WDR25: variants seen among roughly 807,000 people sequenced by gnomAD.
WDR25 encodes WD repeat-containing protein 25.
WDR25 carries 35 observed loss-of-function variants against 47.7 expected under a neutral mutation model. The ratio of observed to expected loss-of-function variants is 0.73; its 90% CI spans 0.56 to 0.97. The LOEUF is 0.97. Ranked by LOEUF, WDR25 falls within the 50% of genes least tolerant of loss-of-function variation. WDR25 has a pLI of 0.00. For missense variants in WDR25, 634 were observed against 704.7 expected (o/e 0.90, Z 1.14); for synonymous variants, 248 against 278.9 (o/e 0.89, Z 1.10).
chr14:100,524,821 G>T (rs1462216516), intron 4 of WDR25, among the ~76,000 whole-genome samples: 1 of 152,122 alleles, frequency 6.6e-6, no homozygotes, highest in African/African-American at 2.4e-5. Context: ...CCAGAGAATG[G>T]GCCTCAACCT....
intron 4 of WDR25, among the ~76,000 whole-genome samples, chr14:100,519,806 G>A (rs1291964553): frequency 1.5e-5 from 2 of 134,714 alleles, no homozygotes; most frequent in Non-Finnish European, 3.1e-5. Flanking sequence ...ATGTATATAT[G>A]TATATATGTA....
intron 2 of WDR25, chr14:100,406,676 G>C (rs1443987830): frequency 1.3e-5 from 2 of 152,250 alleles, no homozygotes; most frequent in African/African-American, 4.8e-5. Flanking sequence ...TCAGAACTTC[G>C]GCCTGTCACA....
intron 2 of WDR25, among the ~76,000 whole-genome samples, chr14:100,395,405 A>G (rs375060015): frequency 1.0e-3 from 158 of 152,326 alleles, no homozygotes; most frequent in African/African-American, 3.6e-3. Flanking sequence ...GGCGTATGGC[A>G]GGCACTCCAT....
At chr14:100,376,702 C>T in intron 1 of WDR25, 2 of 1,231,026 alleles carry the variant, frequency 1.6e-6, no homozygotes, top group Non-Finnish European at 2.0e-6. Flanking sequence ...AAACCCATCT[C>T]TGGTCGTATC....
chr14:100,523,665 C>T lies in WDR25; in HGVS notation c.1102-2205C>T, dbSNP rs1047107581. Among the ~76,000 whole-genome samples the T allele has an allele frequency of 2.6e-5, 4 of 152,156 alleles. No individual in the cohort carries two copies. Among genetic ancestry groups the T allele is most frequent in the Admixed American group, 1.3e-4 (2 of 15,284 alleles). Reference sequence around the variant, plus strand: ...AAGGCTGCTCTGGACGAGTCAGCAGCGGCCCAGCATCCCCCAGGTTTGCTG... The same window carrying T: ...AAGGCTGCTCTGGACGAGTCAGCAGTGGCCCAGCATCCCCCAGGTTTGCTG... On this transcript the variant is annotated intron_variant, in intron 4 of 6. Transcript: ENST00000402312. This position sits in a 1 kb window ranked among gnomAD's most constrained non-coding sequence, Gnocchi z 4.7.
At chr14:100,400,547 C>T (rs1242231084) in intron 2 of WDR25, among the ~76,000 whole-genome samples, 1 of 152,212 alleles carries the variant, frequency 6.6e-6, no homozygotes, top group Non-Finnish European at 1.5e-5. Flanking sequence ...TAATAAAAAC[C>T]TTAAGCCCTT....
intron 2 of WDR25, among the ~76,000 whole-genome samples, chr14:100,438,313 G>A (rs890137176): frequency 6.6e-6 from 1 of 152,172 alleles, no homozygotes; most frequent in African/African-American, 2.4e-5. Flanking sequence ...TCAGCCCAAT[G>A]AAGATATGAC....
At position 100,381,394 on chromosome 14, in the gene WDR25, T is replaced by C; in HGVS notation, c.470T>C (p.Val157Ala). The change falls in exon 2 of 7, where the codon GTA (valine) becomes GCA (alanine). Residue 157 changes from valine to alanine, a missense_variant. Transcript: ENST00000402312. ...CATGCTCAAAGTGAGTCTGAAACCG[T>C]AGGTAAAAATGGCAGCTCTTTTCAG... ...SFHAQSESET[V>A]GKNGSSFQKK... The C allele has an allele frequency of 6.2e-7, 1 of 1,614,186 alleles. No homozygotes were observed. The highest frequency in any genetic ancestry group is 8.5e-7 in the Non-Finnish European group (1 of 1,180,020).
In WDR25 at chr14:100,429,412, A is replaced by G. The variant is rs73347384; in HGVS notation, c.823-38609A>G. Among the ~76,000 whole-genome samples, 747 of 152,308 alleles carry G rather than the reference A, an allele frequency of 4.9e-3. 10 individuals are homozygous for G. The highest frequency in any genetic ancestry group is 0.017 in the African/African-American group (702 of 41,560). ...AGTTGCCTCCTTGGGCCAAGGGGCT[A>G]AGGTGGCTCAGGATATGTCTGTTCA... On this transcript the variant is annotated intron_variant, in intron 2 of 6. Coordinates refer to ENST00000402312, the MANE Select transcript of WDR25 (RefSeq NM_001161476.3).
intron 2 of WDR25, among the ~76,000 whole-genome samples, chr14:100,444,107 G>A (rs1055042869): frequency 6.6e-6 from 1 of 152,202 alleles, no homozygotes; most frequent in Admixed American, 6.5e-5. Context: ...TCAGGATTCT[G>A]CAAGGGGTGG....
intron 2 of WDR25, among the ~76,000 whole-genome samples, chr14:100,390,504 T>C (rs1897120853): frequency 1.3e-5 from 2 of 152,088 alleles, no homozygotes; most frequent in Non-Finnish European, 2.9e-5. Context: ...GGCAGCAGGC[T>C]GGCGCTCATC....
At chr14:100,414,994 A>C (rs189485801) in intron 2 of WDR25, among the ~76,000 whole-genome samples, 5 of 151,704 alleles carry the variant, frequency 3.3e-5, no homozygotes, top group Admixed American at 2.6e-4. Flanking sequence ...GGGAGCAGCA[A>C]GGGGGCAGAG....
chr14:100,508,107 A>C (rs1901178955), intron 4 of WDR25, among the ~76,000 whole-genome samples: 1 of 152,162 alleles, frequency 6.6e-6, no homozygotes, highest in Non-Finnish European at 1.5e-5. Flanking sequence ...TCGGATGCAA[A>C]GTTGGTTCAT....
chr14:100,478,884 A>T (rs547403504), intron 3 of WDR25, among the ~76,000 whole-genome samples: 17 of 152,348 alleles, frequency 1.1e-4, no homozygotes, highest in African/African-American at 4.1e-4. Context: ...GAAATTAAGC[A>T]TATGGTTATA....
chr14:100,406,605 C>T (rs1897545207), intron 2 of WDR25: 1 of 152,266 alleles, frequency 6.6e-6, no homozygotes. Flanking sequence ...CACATTGCTA[C>T]CAAGTGGCAG....
chr14:100,464,878 A>G lies in WDR25; in HGVS notation c.823-3143A>G, dbSNP rs1338960024. Among the ~76,000 whole-genome samples the G allele has an allele frequency of 2.6e-5, 3 of 117,534 alleles. No individual in the cohort carries two copies. In the East Asian group the frequency reaches 7.4e-4, roughly 29 times the overall value. The allele number at this position is 117,534 out of a possible 152,430, so 77.1% of individuals were successfully genotyped here. On this transcript the variant is annotated intron_variant, in intron 2 of 6. Coordinates refer to ENST00000402312, the MANE Select transcript of WDR25 (RefSeq NM_001161476.3). ...CATCTACTCTCCCCTACCCCATCTC[A>G]TCTCCTTTACCTCATTTCATCTCCT...
intron 4 of WDR25, among the ~76,000 whole-genome samples, chr14:100,514,743 T>A (rs1376741919): frequency 3.3e-5 from 5 of 152,092 alleles, no homozygotes; most frequent in Non-Finnish European, 7.4e-5. Flanking sequence ...CCAATAATTT[T>A]AAAAATATTT....
chr14:100,478,182 T>C (rs1281226036), intron 3 of WDR25, among the ~76,000 whole-genome samples: 2 of 152,198 alleles, frequency 1.3e-5, no homozygotes, highest in African/African-American at 4.8e-5. Context: ...AATTCAATAA[T>C]TTGGGGTTTA....
chr14:100,460,639 C>T (rs1168442244), intron 2 of WDR25, among the ~76,000 whole-genome samples: 1 of 151,776 alleles, frequency 6.6e-6, no homozygotes, highest in Non-Finnish European at 1.5e-5. Context: ...ATCCAACATT[C>T]ATTAGTGATT....
Sources: allele counts gnomAD v4.1 joint callset (sites outside exome capture counted in the v4.1 genomes callset), GRCh38; gene constraint gnomAD v4.1.1; non-coding constraint Gnocchi (gnomAD v3.1); transcripts MANE v1.5; gene names NCBI Gene and HGNC (gene_info 2026-07-23, HGNC 2026-07-21).